Variants in PKHD1 observed in about 807,000 individuals in gnomAD.
PKHD1 encodes PKHD1 ciliary IPT domain containing fibrocystin/polyductin.
PKHD1 carries 291 observed loss-of-function variants against 412.0 expected under a neutral mutation model. The ratio of observed to expected loss-of-function variants is 0.71; its 90% CI spans 0.64 to 0.78. PKHD1 has a LOEUF of 0.78. PKHD1 is among the 30% of genes least tolerant of loss of function. The pLI, the probability that PKHD1 is intolerant of heterozygous loss-of-function variation, is 0.00. For missense variants in PKHD1, 4,825 were observed against 4,950.7 expected (o/e 0.97, Z 0.76); for synonymous variants, 1,777 against 1,821.5 (o/e 0.98, Z 0.62).
chr6:51,989,267 A>G (rs1796584886), intron 35 of PKHD1, among the ~76,000 whole-genome samples: 1 of 152,248 alleles, frequency 6.6e-6, no homozygotes, highest in South Asian at 2.1e-4. Context: ...TCTTTTAGAC[A>G]AAAACACTAT....
chr6:51,963,384 T>A (rs1792351388), intron 35 of PKHD1, among the ~76,000 whole-genome samples: 2 of 152,118 alleles, frequency 1.3e-5, no homozygotes, highest in African/African-American at 4.8e-5. Context: ...GAATTCCCCT[T>A]AGCATAACAA....
At chr6:51,791,493 A>G (rs1207679659) in intron 52 of PKHD1, 120 bp from the exon 53 acceptor site, 18 of 829,486 alleles carry the variant, frequency 2.2e-5, no homozygotes, top group Non-Finnish European at 3.2e-5. Context: ...GGACAGGTAT[A>G]GCAACTGGAA....
intron 60 of PKHD1, among the ~76,000 whole-genome samples, chr6:51,726,651 G>A (rs547518411): frequency 6.6e-6 from 1 of 152,118 alleles, no homozygotes; most frequent in Non-Finnish European, 1.5e-5. Flanking sequence ...TTATCCTACA[G>A]AGTGGATATG....
intron 33 of PKHD1, among the ~76,000 whole-genome samples, chr6:52,022,499 T>C (rs1228159828): frequency 6.6e-6 from 1 of 152,178 alleles, no homozygotes; most frequent in Non-Finnish European, 1.5e-5. Context: ...GAAACTAATA[T>C]TCAGAATTCA....
At chr6:51,683,488 A>G (rs1776984518) in intron 60 of PKHD1, among the ~76,000 whole-genome samples, 1 of 152,116 alleles carries the variant, frequency 6.6e-6, no homozygotes, top group African/African-American at 2.4e-5. Flanking sequence ...ATGGGAAAGT[A>G]TACCTGATTA....
intron 55 of PKHD1, among the ~76,000 whole-genome samples, chr6:51,760,098 A>T (rs1032928799): frequency 2.6e-5 from 4 of 152,144 alleles, no homozygotes; most frequent in African/African-American, 9.7e-5. Flanking sequence ...CCAACTCTAT[A>T]TTCTAATACT....
At chr6:51,706,481 TAA>T (rs3061722) in intron 60 of PKHD1, among the ~76,000 whole-genome samples, 2 of 140,916 alleles carry the variant, frequency 1.4e-5, no homozygotes. Context: ...TCTCCCATGG[TAA>T]AAAAAAAAAA....
At chr6:52,030,203 G>A (rs1309953044) in intron 29 of PKHD1, among the ~76,000 whole-genome samples, 2 of 152,224 alleles carry the variant, frequency 1.3e-5, no homozygotes, top group African/African-American at 2.4e-5. Context: ...GGGATGTGGT[G>A]TGGTGGGAAG....
At position 51,676,020 on chromosome 6, in the gene PKHD1, GC is replaced by G. The variant is rs1775778882; in HGVS notation, c.10157-16052del. The stretch of plus-strand genomic sequence containing the variant: ...GGAAGCTACAGACGTAGAAACCAAG[GC>G]AGTGAGTGAAGTCTGTCTGGTGGCA... On this transcript the variant is annotated intron_variant, in intron 60 of 66. Coordinates refer to ENST00000371117, the MANE Select transcript of PKHD1 (RefSeq NM_138694.4). 2.0e-5 allele frequency among the ~76,000 whole-genome samples: 3 copies of G among 152,038 alleles called. No homozygotes were observed. In the South Asian group the frequency reaches 6.2e-4, roughly 31 times the overall value.
chr6:51,833,062 G>T, intron 51 of PKHD1, among the ~76,000 whole-genome samples: 1 of 152,194 alleles, frequency 6.6e-6, no homozygotes, highest in East Asian at 1.9e-4. Context: ...CTCAGCTGGG[G>T]GTAGAGTAAG....
intron 36 of PKHD1, 45 bp from the exon 37 acceptor site, chr6:51,934,367 T>C: frequency 7.7e-7 from 1 of 1,297,936 alleles, no homozygotes; most frequent in Non-Finnish European, 1.1e-6. Flanking sequence ...AGGATAAGGC[T>C]TACCGTTTTG....
At chr6:51,836,380 T>C (rs1383670914) in intron 51 of PKHD1, 24 bp downstream of exon 51, 1 of 1,514,218 alleles carries the variant, frequency 6.6e-7, no homozygotes, top group South Asian at 1.1e-5. Flanking sequence ...ACTAGACACT[T>C]CTACTTCGTG....
chr6:52,060,109 T>G, intron 14 of PKHD1, 67 bp from the exon 15 acceptor site: 1 of 835,464 alleles, frequency 1.2e-6, no homozygotes, highest in Non-Finnish European at 2.1e-6. Flanking sequence ...AACAAATGAC[T>G]GCCCTTGTAC....
chr6:51,973,694 C>T lies in PKHD1; in HGVS notation c.5752-13668G>A, dbSNP rs543631351. On this transcript the variant is annotated intron_variant, in intron 35 of 66. Coordinates refer to ENST00000371117, the MANE Select transcript of PKHD1 (RefSeq NM_138694.4). ...ACCTCTCAGAAACATGTGCAAAATA[C>T]ATTTTCCAGAATTCTCCCAACTTTG... 1.3e-3 allele frequency among the ~76,000 whole-genome samples: 197 copies of T among 152,308 alleles called. 1 individual carries two copies. Among genetic ancestry groups the T allele is most frequent in the Non-Finnish European group, 2.4e-3 (160 of 68,022 alleles).
chr6:51,747,615 G>C lies in PKHD1; in HGVS notation c.9829+172C>G, dbSNP rs546557203. ...AGCTCTTCAATATGTATAAAGCAGT[G>C]ACTTTTGTAAGAAATTATAAACTAC... is the stretch of plus-strand genomic sequence containing the variant. On this transcript the variant is annotated intron_variant, in intron 58 of 66. Transcript: ENST00000371117. Among the ~76,000 whole-genome samples, 19 of 152,240 alleles carry C rather than the reference G, an allele frequency of 1.2e-4. No homozygotes were observed. In the East Asian group the frequency reaches 2.9e-3, roughly 23 times the overall value.
intron 37 of PKHD1, among the ~76,000 whole-genome samples, chr6:51,927,779 T>A (rs1168879727): frequency 6.6e-6 from 1 of 152,174 alleles, no homozygotes; most frequent in Non-Finnish European, 1.5e-5. Flanking sequence ...ACATCTTTCA[T>A]GTGGATTTGT....
At position 52,044,984 on chromosome 6, in the gene PKHD1, A is replaced by T. The variant is rs1562217633; in HGVS notation, c.2697T>A (p.Thr899=). 1 of 1,613,496 alleles carries T rather than the reference A, an allele frequency of 6.2e-7. No individual in the cohort carries two copies. The highest frequency in any genetic ancestry group is 1.7e-5 in the Admixed American group (1 of 59,996). ...LGPIFGDMLA[T]ANQHTQVVVR... ...CTCTCACCTGAGTATGCTGGTTGGC[A>T]GTAGCCAACATGTCTCCAAATATGG... The change falls in exon 25 of 67, where the codon ACT becomes ACA. Residue 899 remains threonine (T), a synonymous_variant. Coordinates refer to ENST00000371117, the MANE Select transcript of PKHD1 (RefSeq NM_138694.4).
At chr6:51,958,173 G>T (rs561940615) in intron 36 of PKHD1, among the ~76,000 whole-genome samples, 1 of 151,814 alleles carries the variant, frequency 6.6e-6, no homozygotes, top group Admixed American at 6.6e-5. Context: ...TATCTTATTC[G>T]TGCAGAAACT....
At chr6:51,644,429 C>A (rs902458973) in intron 63 of PKHD1, among the ~76,000 whole-genome samples, 5 of 152,152 alleles carry the variant, frequency 3.3e-5, no homozygotes, top group African/African-American at 1.2e-4. Flanking sequence ...CTATGATTGA[C>A]TTATGGCTAT....
Sources: allele counts gnomAD v4.1 joint callset (sites outside exome capture counted in the v4.1 genomes callset), GRCh38; gene constraint gnomAD v4.1.1; transcripts MANE v1.5; gene names NCBI Gene and HGNC (gene_info 2026-07-23, HGNC 2026-07-21).